The following PDE4D variants were observed in gnomAD, a reference collection of about 807,000 sequenced individuals.
The protein encoded by PDE4D is 3',5'-cyclic-AMP phosphodiesterase 4D.
In PDE4D, 24 loss-of-function variants were observed where a neutral mutation model predicts 87.4. The observed-to-expected ratio is 0.27, with a 90% CI of 0.20 to 0.39. The LOEUF (loss-of-function observed/expected upper bound fraction) is 0.39. Among genes scored for constraint, PDE4D ranks in the 10% least tolerant of loss-of-function variants. The probability of loss-of-function intolerance (pLI) is 1.00; values close to 1 mark genes in which losing one functional copy is unlikely to be tolerated. For synonymous variants in PDE4D, 384 were observed against 383.2 expected (o/e 1.00, Z -0.02); for missense variants, 714 against 1,041.0 (o/e 0.69, Z 4.32).
At chr5:59,049,377 G>A (rs1015348347) in intron 5 of PDE4D, among the ~76,000 whole-genome samples, 6 of 152,118 alleles carry the variant, frequency 3.9e-5, no homozygotes, top group Middle Eastern at 3.4e-3. Context: ...AATCACCCTC[G>A]TCTATCTCTT....
At chr5:59,129,994 A>G (rs983000979) in intron 5 of PDE4D, among the ~76,000 whole-genome samples, 1 of 152,230 alleles carries the variant, frequency 6.6e-6, no homozygotes, top group African/African-American at 2.4e-5. Flanking sequence ...TTAAAAAATA[A>G]ATGGGGAAAA....
At chr5:59,245,956 A>AGT (rs746176014) in intron 1 of PDE4D, among the ~76,000 whole-genome samples, 5 of 151,124 alleles carry the variant, frequency 3.3e-5, no homozygotes, top group East Asian at 3.9e-4. Context: ...TAGTCAAACA[A>AGT]GTGTGTGTGT....
At position 59,588,012 on chromosome 5, in the gene PDE4D, G is replaced by A. The variant is rs1000271603; in HGVS notation, c.455+305156C>T. ...TTCACTCCTTAAAAAAAAAGCACCG[G>A]GGTGGGGAAGCCTTGTTTACTTGAT... On this transcript the variant is annotated intron_variant, in intron 1 of 14. Coordinates refer to ENST00000340635, the MANE Select transcript of PDE4D (RefSeq NM_001104631.2). Among the ~76,000 whole-genome samples the A allele has an allele frequency of 3.3e-5, 5 of 152,124 alleles. No homozygotes were observed. The East Asian group carries it at 9.6e-4, about 29-fold the overall frequency.
At chr5:59,717,220 A>G (rs1482469015) in intron 1 of PDE4D, among the ~76,000 whole-genome samples, 1 of 152,182 alleles carries the variant, frequency 6.6e-6, no homozygotes, top group African/African-American at 2.4e-5. Flanking sequence ...GCCTTCATTT[A>G]CCATGACCAT....
At chr5:59,950,457 A>T (rs1165496357) in intron 3 of PDE4D, among the ~76,000 whole-genome samples, 1 of 152,168 alleles carries the variant, frequency 6.6e-6, no homozygotes, top group African/African-American at 2.4e-5. Flanking sequence ...TATAAAATAG[A>T]TGCTACATTT....
chr5:60,341,511 TC>T (rs1333226161), intron 1 of PDE4D, among the ~76,000 whole-genome samples: 2 of 152,098 alleles, frequency 1.3e-5, no homozygotes, highest in Admixed American at 1.3e-4. Context: ...TGGTCACCAC[TC>T]CCCAGGTGTG....
At chr5:59,309,673 TTG>T (rs1772178154) in intron 1 of PDE4D, among the ~76,000 whole-genome samples, 1 of 152,166 alleles carries the variant, frequency 6.6e-6, no homozygotes, top group Non-Finnish European at 1.5e-5. Context: ...CCTCTCAAGG[TTG>T]CTGGTTTGTT....
intron 1 of PDE4D, among the ~76,000 whole-genome samples, chr5:59,577,793 C>G (rs1054190341): frequency 1.3e-5 from 2 of 152,056 alleles, no homozygotes; most frequent in African/African-American, 4.8e-5. Flanking sequence ...CAGTATCCTC[C>G]AGGGTTTATT....
rs1281965436 is a variant in PDE4D at position 60,299,595 on chromosome 5, C to T, written c.-89-113908G>A. Among the ~76,000 whole-genome samples, 5 of 152,236 alleles carry T rather than the reference C, an allele frequency of 3.3e-5. No individual in the cohort carries two copies. The South Asian group carries it at 1.0e-3, about 32-fold the overall frequency. ...CAGGCCCCAGTGTGTGTTGTTCCCC[C>T]ATGTGCCCATGTGTTCTCATCATAC... On this transcript the variant is annotated intron_variant, in intron 1 of 16. Transcript: ENST00000502484.
At chr5:60,508,814 G>A (rs867677364) in intron 1 of PDE4D, among the ~76,000 whole-genome samples, 32 of 152,200 alleles carry the variant, frequency 2.1e-4, no homozygotes, top group Middle Eastern at 3.4e-3. Context: ...CACCCTGCCA[G>A]CAGCTCTATA....
At chr5:60,041,432 T>C (rs1768467724) in intron 2 of PDE4D, among the ~76,000 whole-genome samples, 1 of 152,144 alleles carries the variant, frequency 6.6e-6, no homozygotes, top group Non-Finnish European at 1.5e-5. Context: ...CCTGGCAGGA[T>C]AGTGTTTGAA....
At chr5:59,998,984 C>T (rs537284064) in intron 2 of PDE4D, among the ~76,000 whole-genome samples, 3 of 152,158 alleles carry the variant, frequency 2.0e-5, no homozygotes, top group Admixed American at 6.5e-5. Flanking sequence ...GTTTCATCAG[C>T]GAGAGAGCTA....
chr5:59,317,543 A>G (rs1252139904), intron 1 of PDE4D, among the ~76,000 whole-genome samples: 3 of 152,108 alleles, frequency 2.0e-5, no homozygotes, highest in Non-Finnish European at 2.9e-5. Flanking sequence ...AAACTAACAA[A>G]GGCCACAACC....
intron 1 of PDE4D, among the ~76,000 whole-genome samples, chr5:59,599,726 C>T (rs1827228729): frequency 6.6e-6 from 1 of 152,062 alleles, no homozygotes; most frequent in Non-Finnish European, 1.5e-5. Context: ...CAGCTGGGCC[C>T]ACCACAGAGT....
At chr5:60,164,992 A>G (rs564906950) in intron 2 of PDE4D, among the ~76,000 whole-genome samples, 1 of 152,260 alleles carries the variant, frequency 6.6e-6, no homozygotes, top group South Asian at 2.1e-4. Context: ...TCTTGAATTT[A>G]TTCCTCCTAT....
At chr5:59,182,798 T>A (rs1298253951) in intron 4 of PDE4D, among the ~76,000 whole-genome samples, 4 of 152,064 alleles carry the variant, frequency 2.6e-5, no homozygotes, top group Non-Finnish European at 5.9e-5. Context: ...GAGCCAGAAC[T>A]CACTTCTGGA....
Position 58,971,509 on chromosome 5 carries a change from TA to T in PDE4D, c.*3154del, listed in dbSNP as rs1742593459. On this transcript the variant is annotated 3_prime_UTR_variant, in exon 15 of 15. Coordinates refer to ENST00000340635, the MANE Select transcript of PDE4D (RefSeq NM_001104631.2). ...CAGACAAACAAGACTGTATTACAGG[TA>T]AGGTCATTTGGTGAGAAAAAAAATG... is the stretch of plus-strand genomic sequence containing the variant. 1 of 152,552 alleles carries T rather than the reference TA, an allele frequency of 6.6e-6. No individual in the cohort carries two copies. Among genetic ancestry groups the T allele is most frequent in the African/African-American group, 2.4e-5 (1 of 41,430 alleles). 9.4% of individuals were successfully genotyped at this position (152,552 alleles called of 1,614,324 possible).
intron 3 of PDE4D, among the ~76,000 whole-genome samples, chr5:59,911,635 A>G (rs562026288): frequency 2.0e-5 from 3 of 152,122 alleles, no homozygotes; most frequent in South Asian, 2.1e-4. Context: ...GGCAAAATGA[A>G]CCCACTGGGC....
At chr5:59,972,227 C>T (rs1012915182) in intron 3 of PDE4D, among the ~76,000 whole-genome samples, 1 of 152,164 alleles carries the variant, frequency 6.6e-6, no homozygotes, top group Admixed American at 6.5e-5. Flanking sequence ...ATTCCTACTC[C>T]CCTAGTGGAA....
Sources: gnomAD v4.1 joint callset for allele counts (sites outside exome capture counted in the v4.1 genomes callset) on GRCh38, gnomAD v4.1.1 for gene constraint, MANE v1.5 for transcripts, NCBI Gene and HGNC (gene_info 2026-07-23, HGNC 2026-07-21) for gene names.